Variants in NAV2 observed in about 807,000 individuals in gnomAD.
NAV2 encodes neuron navigator 2.
A neutral mutation model predicts 223.2 loss-of-function variants in NAV2; 54 were observed. That is an observed-to-expected ratio of 0.24 (90% CI 0.19 to 0.30). The LOEUF is 0.30. Ranked by LOEUF, NAV2 falls within the 10% of genes least tolerant of loss-of-function variation. The probability of loss-of-function intolerance (pLI) is 1.00; values close to 1 mark genes in which losing one functional copy is unlikely to be tolerated. For synonymous variants in NAV2, 1,279 were observed against 1,239.3 expected (o/e 1.03, Z -0.67); for missense variants, 2,806 against 3,147.5 (o/e 0.89, Z 2.60).
intron 1 of NAV2, among the ~76,000 whole-genome samples, chr11:19,374,360 T>C (rs1848574376): frequency 6.7e-6 from 1 of 148,484 alleles, no homozygotes; most frequent in Admixed American, 6.8e-5. Flanking sequence ...TGACTCACCA[T>C]GTAACTGTCC....
In NAV2 at chr11:20,100,529, G is replaced by A. The variant is rs80305498; in HGVS notation, c.6182-408G>A. On this transcript the variant is annotated intron_variant, in intron 31 of 37. Coordinates refer to ENST00000349880, the MANE Select transcript of NAV2 (RefSeq NM_145117.5). ...GGTTTGGTTTGGGCAGATGCCATAG[G>A]TATAGTATACTAGAGGGGTGTGTGT... is the stretch of plus-strand genomic sequence containing the variant. Among the ~76,000 whole-genome samples the A allele has an allele frequency of 8.3e-3, 1,238 of 149,438 alleles. 18 individuals carry two copies. Among genetic ancestry groups the A allele is most frequent in the African/African-American group, 0.029 (1,156 of 40,538 alleles).
At chr11:19,868,082 T>C (rs1243213910) in intron 3 of NAV2, among the ~76,000 whole-genome samples, 1 of 151,586 alleles carries the variant, frequency 6.6e-6, no homozygotes, top group Non-Finnish European at 1.5e-5. Context: ...TGGGAAGTAA[T>C]GAGGGGTGGG....
At chr11:19,348,125 T>C (rs570458706), upstream of NAV2, among the ~76,000 whole-genome samples, 9 of 152,314 alleles carry the variant, frequency 5.9e-5, no homozygotes, top group Admixed American at 5.9e-4. Flanking sequence ...CGAGAGCGTC[T>C]GTCCCCATGT....
chr11:19,893,753 C>T (rs2041710817), intron 6 of NAV2, among the ~76,000 whole-genome samples: 1 of 152,234 alleles, frequency 6.6e-6, no homozygotes, highest in Admixed American at 6.5e-5. Flanking sequence ...CCTATCAAGA[C>T]TTTGTCATCC....
intron 3 of NAV2, among the ~76,000 whole-genome samples, chr11:19,859,897 G>A (rs1259525696): frequency 6.9e-6 from 1 of 144,396 alleles, no homozygotes. Context: ...TCCCGGACGG[G>A]GCGGCTGGCC....
chr11:19,862,025 G>A (rs904410643), intron 3 of NAV2, among the ~76,000 whole-genome samples: 17 of 152,184 alleles, frequency 1.1e-4, no homozygotes, highest in Middle Eastern at 3.2e-3. Flanking sequence ...TGTTTCAAGG[G>A]AAAAATTGAG....
chr11:19,886,409 G>T lies in NAV2; in HGVS notation c.771-6025G>T, dbSNP rs534530981. ...CAAGTCCACACGTTACCCAGACTCG[G>T]TGGAGGAGGACAATAGGGAACCCAA... On this transcript the variant is annotated intron_variant, in intron 5 of 37. Coordinates refer to ENST00000349880, the MANE Select transcript of NAV2 (RefSeq NM_145117.5). Among the ~76,000 whole-genome samples the T allele has an allele frequency of 2.6e-5, 4 of 152,294 alleles. No homozygotes were observed. The East Asian group carries it at 7.7e-4, about 29-fold the overall frequency.
At chr11:19,711,956 G>A (rs1244878346), upstream of NAV2, 1 of 152,256 alleles carries the variant, frequency 6.6e-6, no homozygotes, top group Non-Finnish European at 1.5e-5. Context: ...TACAGGGTGG[G>A]AGGCTCCTCA....
intron 6 of NAV2, among the ~76,000 whole-genome samples, chr11:19,908,283 G>T (rs571400178): frequency 6.6e-6 from 1 of 152,158 alleles, no homozygotes; most frequent in African/African-American, 2.4e-5. Context: ...TCCAGGGTGG[G>T]TGTGGGAGCT....
intron 1 of NAV2, among the ~76,000 whole-genome samples, chr11:19,677,012 G>A (rs555275665): frequency 2.0e-3 from 305 of 152,290 alleles, no homozygotes; most frequent in African/African-American, 6.9e-3. Context: ...AAGAGTGAAG[G>A]CACGGCCTCT....
intron 1 of NAV2, among the ~76,000 whole-genome samples, chr11:19,368,707 T>A (rs539086476): frequency 6.6e-6 from 1 of 152,206 alleles, no homozygotes; most frequent in Admixed American, 6.5e-5. Context: ...TAAGGGAAGT[T>A]AAAAGTCAAA....
In NAV2 at chr11:19,366,035, C is replaced by G. The variant is rs150594855; in HGVS notation, c.75+15008C>G. Among the ~76,000 whole-genome samples, 455 of 152,294 alleles carry G rather than the reference C, an allele frequency of 3.0e-3. 3 individuals carry two copies. Among genetic ancestry groups the G allele is most frequent in the African/African-American group, 8.9e-3 (372 of 41,568 alleles). The stretch of plus-strand genomic sequence containing the variant: ...CAGAGAGGAAGGATTAGAAACAGCT[C>G]TGAGAATGGGGAATTCTTGTGGGAG... On this transcript the variant is annotated intron_variant, in intron 1 of 37. Transcript: ENST00000360655.
chr11:19,833,676 G>T (rs2060073298), intron 2 of NAV2, among the ~76,000 whole-genome samples: 1 of 152,352 alleles, frequency 6.6e-6, no homozygotes, highest in South Asian at 2.1e-4. Context: ...TGCATCAGAA[G>T]TCTAGGCATA....
chr11:19,971,465 G>T (rs1198745041), intron 10 of NAV2, among the ~76,000 whole-genome samples: 1 of 152,124 alleles, frequency 6.6e-6, no homozygotes, highest in African/African-American at 2.4e-5. Flanking sequence ...CCCAAAGAGA[G>T]AGCTGTGAGA....
chr11:19,789,008 G>T (rs2057339306), intron 1 of NAV2, among the ~76,000 whole-genome samples: 1 of 152,096 alleles, frequency 6.6e-6, no homozygotes, highest in Non-Finnish European at 1.5e-5. Context: ...CAAGAATCCT[G>T]CTGCAATGCT....
At position 20,036,179 on chromosome 11, in the gene NAV2, T is replaced by C. The variant is rs1054952865; in HGVS notation, c.2907+82T>C. On this transcript the variant is annotated intron_variant, in intron 12 of 37. Transcript: ENST00000349880. ...TGGGCTTGTGGGGTAAGAGGGCCAT[T>C]TGGGGCAACCAGAATCTCCAGGTTG... 3.9e-6 allele frequency: 6 copies of C among 1,528,704 alleles called. No individual in the cohort carries two copies. The African/African-American group carries it at 4.1e-5, about 10-fold the overall frequency. The allele number at this position is 1,528,704 out of a possible 1,614,324, so 94.7% of individuals were successfully genotyped here.
At position 19,426,270 on chromosome 11, in the gene NAV2, A is replaced by G. The variant is rs184668738; in HGVS notation, c.75+75243A>G. 1.9e-4 allele frequency among the ~76,000 whole-genome samples: 29 copies of G among 152,252 alleles called. No homozygotes were observed. In the East Asian group the frequency reaches 5.4e-3, roughly 28 times the overall value. ...GTTTCTTCCCCAAAGAAGGGGTCAG[A>G]TGGGTCCCAGGGAGTTTCCAGGATG... On this transcript the variant is annotated intron_variant, in intron 1 of 37. Transcript: ENST00000360655.
intron 4 of NAV2, among the ~76,000 whole-genome samples, chr11:19,870,228 C>G (rs150230532): frequency 6.6e-6 from 1 of 152,102 alleles, no homozygotes; most frequent in Non-Finnish European, 1.5e-5. Flanking sequence ...TCAGGGCTGG[C>G]TGACATGTGG....
At chr11:19,421,615 T>A (rs958364908) in intron 1 of NAV2, among the ~76,000 whole-genome samples, 5 of 152,098 alleles carry the variant, frequency 3.3e-5, no homozygotes, top group African/African-American at 1.2e-4. Flanking sequence ...AAACATTAAG[T>A]ATTAGCATAT....
Sources: gnomAD v4.1 joint callset for allele counts (sites outside exome capture counted in the v4.1 genomes callset) on GRCh38, gnomAD v4.1.1 for gene constraint, MANE v1.5 for transcripts, NCBI Gene and HGNC (gene_info 2026-07-23, HGNC 2026-07-21) for gene names.